Variants in GREB1L observed in about 807,000 individuals in gnomAD.
The protein encoded by GREB1L is GREB1 like retinoic acid receptor coactivator.
GREB1L carries 17 observed loss-of-function variants against 200.8 expected under a neutral mutation model. That is an observed-to-expected ratio of 0.08 (90% CI 0.06 to 0.13). GREB1L has a LOEUF of 0.13. GREB1L is among the 10% of genes least tolerant of loss of function. The pLI, the probability that GREB1L is intolerant of heterozygous loss-of-function variation, is 1.00. For missense variants in GREB1L, 1,657 were observed against 2,367.7 expected (o/e 0.70, Z 6.23); for synonymous variants, 789 against 893.0 (o/e 0.88, Z 2.08).
At chr18:21,369,948 C>CAAAAA (rs201252099) in intron 2 of GREB1L, among the ~76,000 whole-genome samples, 5 of 87,790 alleles carry the variant, frequency 5.7e-5, no homozygotes, top group Non-Finnish European at 4.9e-5. Flanking sequence ...GACTCCATCT[C>CAAAAA]AAAAAAAAAA....
intron 15 of GREB1L, among the ~76,000 whole-genome samples, chr18:21,464,933 A>G (rs2035208235): frequency 6.6e-6 from 1 of 152,244 alleles, no homozygotes; most frequent in Non-Finnish European, 1.5e-5. Flanking sequence ...TATTTTAAAC[A>G]TGGAGAATAA....
chr18:21,434,499 A>ATATATATATATGTG (rs1392320151), intron 7 of GREB1L, among the ~76,000 whole-genome samples: 49 of 127,178 alleles, frequency 3.9e-4, no homozygotes, highest in African/African-American at 1.6e-3. Context: ...ATATATATAT[A>ATATATATATATGTG]TGTGTGTGTG....
Position 21,513,992 on chromosome 18 carries a change from C to CT in GREB1L, c.4901+8dup. The CT allele has an allele frequency of 6.4e-7, 1 of 1,550,680 alleles. No individual in the cohort carries two copies. Among genetic ancestry groups the CT allele is most frequent in the African/African-American group, 1.4e-5 (1 of 73,146 alleles). The stretch of plus-strand genomic sequence containing the variant: ...AGTGTTCAGGAGCCATCCAGGTAGA[C>CT]TTCCAAGCTGGGGGCGTATGACACA... On this transcript the variant is annotated splice_region_variant and intron_variant, in intron 28 of 32. Coordinates refer to ENST00000424526, the MANE Select transcript of GREB1L (RefSeq NM_001142966.3).
intron 1 of GREB1L, among the ~76,000 whole-genome samples, chr18:21,349,540 G>A (rs571716496): frequency 6.6e-5 from 10 of 152,236 alleles, no homozygotes; most frequent in South Asian, 4.2e-4. Context: ...GAACTGGGCC[G>A]GCACAACAGG....
intron 11 of GREB1L, among the ~76,000 whole-genome samples, chr18:21,446,919 AT>A (rs1186915006): frequency 6.6e-6 from 1 of 152,230 alleles, no homozygotes; most frequent in African/African-American, 2.4e-5. Flanking sequence ...GAAGTAGATA[AT>A]GAAATCAGCA....
intron 7 of GREB1L, among the ~76,000 whole-genome samples, chr18:21,407,761 A>T (rs989410126): frequency 6.6e-6 from 1 of 152,244 alleles, no homozygotes; most frequent in Non-Finnish European, 1.5e-5. Context: ...TGGTATATAT[A>T]CACAATGGAA....
chr18:21,415,304 C>A (rs1018786898), intron 7 of GREB1L, among the ~76,000 whole-genome samples: 4 of 152,178 alleles, frequency 2.6e-5, no homozygotes, highest in Non-Finnish European at 4.4e-5. Flanking sequence ...TGCTTGAGCT[C>A]AGGAGTTTGA....
intron 1 of GREB1L, among the ~76,000 whole-genome samples, chr18:21,327,423 C>T (rs1189357427): frequency 6.6e-6 from 1 of 152,148 alleles, no homozygotes; most frequent in African/African-American, 2.4e-5. Flanking sequence ...AACGACATCT[C>T]AGCTCCACTC....
chr18:21,486,196 T>TA (rs2036121741), intron 18 of GREB1L, among the ~76,000 whole-genome samples: 3 of 151,894 alleles, frequency 2.0e-5, no homozygotes, highest in Non-Finnish European at 4.4e-5. Context: ...CTACTAAAAA[T>TA]ACGAAAAATT....
intron 2 of GREB1L, among the ~76,000 whole-genome samples, chr18:21,373,687 C>G (rs905498198): frequency 2.6e-5 from 4 of 152,122 alleles, no homozygotes; most frequent in Non-Finnish European, 5.9e-5. Flanking sequence ...AATTCAAACT[C>G]TCAATAATCA....
At chr18:21,371,466 ATT>A (rs5823304) in intron 2 of GREB1L, among the ~76,000 whole-genome samples, 1,814 of 140,954 alleles carry the variant, frequency 0.013, 37 homozygotes, top group African/African-American at 0.044. Context: ...CAATGATACA[ATT>A]TTTTTTTTTT....
intron 1 of GREB1L, among the ~76,000 whole-genome samples, chr18:21,249,117 G>A (rs976646753): frequency 2.6e-5 from 4 of 151,992 alleles, no homozygotes; most frequent in African/African-American, 4.8e-5. Context: ...TACATATGTC[G>A]TGAAACTATT....
chr18:21,520,594 T>G (rs781132425), intron 31 of GREB1L, 94 bp from the exon 32 acceptor site: 105 of 1,351,518 alleles, frequency 7.8e-5, no homozygotes, highest in Admixed American at 1.7e-4. Flanking sequence ...TATCCTGAAA[T>G]AGAGAAAAAG....
chr18:21,333,967 C>T (rs527306468), intron 1 of GREB1L, among the ~76,000 whole-genome samples: 2 of 151,172 alleles, frequency 1.3e-5, no homozygotes, highest in Non-Finnish European at 1.5e-5. Flanking sequence ...TGGTGACCGA[C>T]TGACGAAGAT....
chr18:21,281,874 T>C (rs186868659), intron 1 of GREB1L, among the ~76,000 whole-genome samples: 15 of 152,318 alleles, frequency 9.8e-5, no homozygotes, highest in African/African-American at 3.6e-4. Context: ...TTTTATGGTA[T>C]GTAAGTTATA....
Position 21,477,287 on chromosome 18 carries a change from C to T in GREB1L, c.2487C>T (p.Tyr829=), listed in dbSNP as rs1165474319. ...LLVLQVSSFP[Y]TLQTQQSRIS... is the part of the protein sequence containing the mutation. The stretch of plus-strand genomic sequence containing the variant: ...TGCTCCAGGTCAGCTCCTTCCCATA[C>T]ACTCTGCAGACCCAACAGTCCCGCA... Residue 829 remains tyrosine (Y), a synonymous_variant, in exon 17 of 33, where the codon TAC becomes TAT. Transcript: ENST00000424526. The T allele has an allele frequency of 1.9e-6, 3 of 1,551,702 alleles. No homozygotes were observed. The highest frequency in any genetic ancestry group is 2.6e-6 in the Non-Finnish European group (3 of 1,146,948).
At chr18:21,328,108 T>G (rs574870097) in intron 1 of GREB1L, among the ~76,000 whole-genome samples, 25 of 152,172 alleles carry the variant, frequency 1.6e-4, no homozygotes, top group Non-Finnish European at 2.4e-4. Context: ...TTATGAAGAA[T>G]GTCTTCAGCT....
intron 1 of GREB1L, among the ~76,000 whole-genome samples, chr18:21,314,719 T>G (rs2038841899): frequency 6.6e-6 from 1 of 152,264 alleles, no homozygotes. Context: ...ATGGTCCGTG[T>G]TGCAGTTACT....
intron 1 of GREB1L, among the ~76,000 whole-genome samples, chr18:21,327,448 T>G (rs1489988050): frequency 6.6e-6 from 1 of 152,030 alleles, no homozygotes; most frequent in Admixed American, 6.6e-5. Flanking sequence ...TGCCAGTCCC[T>G]CCTCATCTCT....
Sources: gnomAD v4.1 joint callset for allele counts (sites outside exome capture counted in the v4.1 genomes callset) on GRCh38, gnomAD v4.1.1 for gene constraint, MANE v1.5 for transcripts, NCBI Gene and HGNC (gene_info 2026-07-23, HGNC 2026-07-21) for gene names.